The following MSR1 variants were observed in gnomAD, a reference collection of about 807,000 sequenced individuals.
MSR1 encodes the protein macrophage scavenger receptor types I and II.
MSR1 carries 53 observed loss-of-function variants against 47.2 expected under a neutral mutation model. The observed-to-expected ratio is 1.12, with a 90% CI of 0.90 to 1.41. The LOEUF is 1.41. MSR1 is among the 40% of genes most tolerant of loss of function. The probability of loss-of-function intolerance (pLI) is 0.00; values close to 1 mark genes in which losing one functional copy is unlikely to be tolerated. For synonymous variants in MSR1, 239 were observed against 185.6 expected (o/e 1.29, Z -2.34); for missense variants, 786 against 546.9 (o/e 1.44, Z -4.36).
At position 16,128,882 on chromosome 8, in the gene MSR1, A is replaced by T. The variant is rs573488176; in HGVS notation, c.1034-8276T>A. ...ACCTATTAGATGTTTTAATACGTTA[A>T]TAATAATAATATGTTTGTTAGCTTA... On this transcript the variant is annotated intron_variant, in intron 8 of 9. Transcript: ENST00000262101. Among the ~76,000 whole-genome samples, 447 of 152,224 alleles carry T rather than the reference A, an allele frequency of 2.9e-3. 4 individuals are homozygous for T. Among genetic ancestry groups the T allele is most frequent in the African/African-American group, 9.4e-3 (392 of 41,554 alleles).
intron 8 of MSR1, among the ~76,000 whole-genome samples, chr8:16,135,783 G>A (rs536087226): frequency 6.6e-6 from 1 of 152,200 alleles, no homozygotes; most frequent in East Asian, 1.9e-4. Context: ...AAAGTATTGA[G>A]GTTAACTGAA....
chr8:16,187,364 CAAAAAAAAAAAA>C (rs751848634), intron 1 of MSR1, among the ~76,000 whole-genome samples: 1 of 35,436 alleles, frequency 2.8e-5, no homozygotes, highest in African/African-American at 1.2e-4. Flanking sequence ...ACTCTGTCTC[CAAAAAAAAAAAA>C]AAAAAAAAAA....
At chr8:16,181,504 A>G (rs113837340) in intron 1 of MSR1, among the ~76,000 whole-genome samples, 2,381 of 152,282 alleles carry the variant, frequency 0.016, 64 homozygotes, top group African/African-American at 0.055. Context: ...TTGCAGGGAC[A>G]TGGATGAAGC....
chr8:16,124,937 T>A (rs1438460680), intron 8 of MSR1, among the ~76,000 whole-genome samples: 4 of 152,138 alleles, frequency 2.6e-5, no homozygotes, highest in African/African-American at 9.7e-5. Flanking sequence ...TAATATTTCA[T>A]AAGTCTTCAG....
chr8:16,165,362 A>C (rs1801275114), intron 4 of MSR1, among the ~76,000 whole-genome samples: 1 of 152,028 alleles, frequency 6.6e-6, no homozygotes, highest in Admixed American at 6.6e-5. Context: ...TTGTTTTTCA[A>C]ATTATAGTGA....
Position 16,115,954 on chromosome 8 carries a change from T to C in MSR1, c.1222+4464A>G, listed in dbSNP as rs351548. On this transcript the variant is annotated intron_variant, in intron 9 of 9. Coordinates refer to ENST00000262101, the MANE Select transcript of MSR1 (RefSeq NM_138715.3). ...ATTAACCTGTGATTGTACCATTGTA[T>C]TCCAGCCTAGGTGACAGAGTAAGAC... Among the ~76,000 whole-genome samples the C allele has an allele frequency of 4.3e-3, 650 of 152,086 alleles. 6 individuals carry two copies. The highest frequency in any genetic ancestry group is 0.015 in the African/African-American group (622 of 41,376).
rs552534373 is a variant in MSR1 at position 16,111,838 on chromosome 8, G to A, written c.1223-1620C>T. On this transcript the variant is annotated intron_variant, in intron 9 of 9. Transcript: ENST00000262101. The stretch of plus-strand genomic sequence containing the variant: ...TGTTGAGGAAACTGAAAATCAGCAA[G>A]GATAAGGAACTGTACGTGCTCAAAG... 8.5e-5 allele frequency among the ~76,000 whole-genome samples: 13 copies of A among 152,294 alleles called. No homozygotes were observed. In the East Asian group the frequency reaches 1.2e-3, roughly 14 times the overall value.
At chr8:16,187,358 T>G (rs1257786050) in intron 1 of MSR1, among the ~76,000 whole-genome samples, 1 of 78,660 alleles carries the variant, frequency 1.3e-5, no homozygotes, top group African/African-American at 6.4e-5. Flanking sequence ...AATAAAACTC[T>G]GTCTCCAAAA....
intron 8 of MSR1, among the ~76,000 whole-genome samples, chr8:16,132,064 T>C (rs549257165): frequency 6.6e-6 from 1 of 152,230 alleles, no homozygotes; most frequent in Non-Finnish European, 1.5e-5. Context: ...ATTGAATGTA[T>C]AAATTGCTTT....
intron 5 of MSR1, among the ~76,000 whole-genome samples, chr8:16,155,416 C>A (rs1384020136): frequency 4.6e-5 from 7 of 151,906 alleles, no homozygotes; most frequent in Non-Finnish European, 1.0e-4. Context: ...GTTCTGAGAA[C>A]CTGGGGGCAG....
At chr8:16,146,979 T>A (rs1441143172) in intron 7 of MSR1, among the ~76,000 whole-genome samples, 1 of 152,276 alleles carries the variant, frequency 6.6e-6, no homozygotes, top group African/African-American at 2.4e-5. Flanking sequence ...TGGTGTAATA[T>A]TTTAGATAAT....
intron 8 of MSR1, among the ~76,000 whole-genome samples, chr8:16,126,686 A>G (rs1462994425): frequency 6.6e-6 from 1 of 152,156 alleles, no homozygotes; most frequent in Non-Finnish European, 1.5e-5. Flanking sequence ...TCCTAAAGCC[A>G]GGGAGACAAG....
chr8:16,168,496 T>C lies in MSR1; in HGVS notation c.592A>G (p.Asn198Asp), dbSNP rs960846354. The change falls in exon 4 of 10, where the codon AAT becomes GAT. Residue 198 changes from asparagine to aspartate, a missense_variant. By Grantham distance (23) the Asn-to-Asp change is conservative. Coordinates refer to ENST00000262101, the MANE Select transcript of MSR1 (RefSeq NM_138715.3). ...AAGGTATTCTCTTGGATTTTGCCAT[T>C]CAGATTTTCTATGTTGAGCTGCAAA... ...LDLQLNIENL[N>D]GKIQENTFKQ... is the part of the protein sequence containing the mutation. 2 of 1,614,028 alleles carry C rather than the reference T, an allele frequency of 1.2e-6. No individual in the cohort carries two copies. The highest frequency in any genetic ancestry group is 1.3e-5 in the African/African-American group (1 of 74,914).
At chr8:16,177,763 T>G in intron 2 of MSR1, 123 bp downstream of exon 2, 1 of 751,716 alleles carries the variant, frequency 1.3e-6, no homozygotes, top group Non-Finnish European at 2.3e-6. Context: ...ATACCCCTGT[T>G]GGTCAAATAA....
At chr8:16,154,412 C>T (rs1800943060) in intron 6 of MSR1, among the ~76,000 whole-genome samples, 1 of 151,884 alleles carries the variant, frequency 6.6e-6, no homozygotes, top group South Asian at 2.1e-4. Context: ...TGTCTTCTTT[C>T]AAAATATTTC....
chr8:16,167,721 C>A (rs36091963), intron 4 of MSR1, among the ~76,000 whole-genome samples: 1,971 of 152,274 alleles, frequency 0.013, 34 homozygotes, highest in African/African-American at 0.045. Context: ...CTTCTCCATT[C>A]TTCTTTCCCC....
rs527553158 is a variant in MSR1, at chr8:16,143,976, C to T, written c.980-365G>A. 3.3e-5 allele frequency among the ~76,000 whole-genome samples: 5 copies of T among 152,156 alleles called. No homozygotes were observed. The East Asian group carries it at 9.7e-4, about 29-fold the overall frequency. The stretch of plus-strand genomic sequence containing the variant: ...AGTGCCTTCCATGAGCTCCCACATC[C>T]CGTTCTTATATTCACATTACATTTA... On this transcript the variant is annotated intron_variant, in intron 7 of 9. Coordinates refer to ENST00000262101, the MANE Select transcript of MSR1 (RefSeq NM_138715.3).
chr8:16,140,430 G>A (rs1314090619), intron 8 of MSR1: 16 of 986,082 alleles, frequency 1.6e-5, no homozygotes, highest in Non-Finnish European at 1.9e-5. Flanking sequence ...CATTGTATGA[G>A]TTTTAGATGG....
chr8:16,140,882 A>G (rs558839780), intron 8 of MSR1: 2 of 1,604,888 alleles, frequency 1.2e-6, no homozygotes, highest in African/African-American at 1.3e-5. Flanking sequence ...ACGGGAACCA[A>G]AGTCATTTGG....
Sources: allele counts gnomAD v4.1 joint callset (sites outside exome capture counted in the v4.1 genomes callset), GRCh38; gene constraint gnomAD v4.1.1; transcripts MANE v1.5; gene names NCBI Gene and HGNC (gene_info 2026-07-23, HGNC 2026-07-21).